The following LAMA2 variants were observed in gnomAD, a reference collection of about 807,000 sequenced individuals.
The protein encoded by LAMA2 is laminin subunit alpha 2.
LAMA2 carries 269 observed loss-of-function variants against 364.8 expected under a neutral mutation model. The observed-to-expected ratio is 0.74, with a 90% CI of 0.67 to 0.82. The LOEUF is 0.82. Among genes scored for constraint, LAMA2 ranks in the 40% least tolerant of loss-of-function variants. The pLI is 0.00. For missense variants in LAMA2, 3,807 were observed against 3,873.2 expected (o/e 0.98, Z 0.45); for synonymous variants, 1,379 against 1,370.6 (o/e 1.01, Z -0.14).
chr6:129,010,111 A>T (rs6938507), intron 1 of LAMA2, among the ~76,000 whole-genome samples: 3,714 of 152,262 alleles, frequency 0.024, 137 homozygotes, highest in African/African-American at 0.086. Flanking sequence ...TCAGATTTAG[A>T]CTGGCTACTG....
chr6:128,977,602 T>TA (rs1400139793), intron 1 of LAMA2, among the ~76,000 whole-genome samples: 1 of 152,146 alleles, frequency 6.6e-6, no homozygotes, highest in Non-Finnish European at 1.5e-5. Flanking sequence ...AGATTGTACT[T>TA]ACGATAAATG....
At chr6:129,057,396 G>A (rs956027984) in intron 2 of LAMA2, among the ~76,000 whole-genome samples, 3 of 152,032 alleles carry the variant, frequency 2.0e-5, no homozygotes, top group African/African-American at 7.2e-5. Context: ...CCTCCATTTT[G>A]ATATTATGGG....
chr6:129,073,450 T>C (rs1773442681), intron 3 of LAMA2, among the ~76,000 whole-genome samples: 1 of 152,196 alleles, frequency 6.6e-6, no homozygotes, highest in Admixed American at 6.5e-5. Context: ...CGATATTTTC[T>C]CGAATGTTGT....
rs144081749 is a variant in LAMA2 at position 128,977,999 on chromosome 6, T to G, written c.113-71919T>G. On this transcript the variant is annotated intron_variant, in intron 1 of 64. Coordinates refer to ENST00000421865, the MANE Select transcript of LAMA2 (RefSeq NM_000426.4). ...GTTGTCCTTCTTTTAAAGAGAAATT[T>G]TTTTAAAATGATATCATTAAAAACA... Among the ~76,000 whole-genome samples the G allele has an allele frequency of 7.1e-3, 1,079 of 152,338 alleles. 13 individuals are homozygous for G. Among genetic ancestry groups the G allele is most frequent in the African/African-American group, 0.024 (1,016 of 41,568 alleles).
chr6:129,158,396 T>C (rs1443873051), intron 8 of LAMA2: 1 of 1,613,870 alleles, frequency 6.2e-7, no homozygotes, highest in African/African-American at 1.3e-5. Flanking sequence ...CATATCGGCC[T>C]TTACCAACTT....
chr6:129,090,346 A>T (rs550913952), intron 3 of LAMA2, among the ~76,000 whole-genome samples: 1 of 152,290 alleles, frequency 6.6e-6, no homozygotes, highest in East Asian at 1.9e-4. Flanking sequence ...GTATCTCTGA[A>T]GGATAAGACT....
intron 32 of LAMA2, among the ~76,000 whole-genome samples, chr6:129,357,378 A>C (rs9483012): frequency 0.12 from 18,963 of 152,028 alleles, 1,640 homozygotes; most frequent in East Asian, 0.44. Context: ...ATATTACTTC[A>C]TAAAAATTGC....
chr6:129,340,285 A>C (rs1055082728), intron 29 of LAMA2, among the ~76,000 whole-genome samples: 3 of 152,170 alleles, frequency 2.0e-5, no homozygotes, highest in Non-Finnish European at 2.9e-5. Flanking sequence ...AAGCAATTTG[A>C]GACCTCACAG....
intron 4 of LAMA2, among the ~76,000 whole-genome samples, chr6:129,130,099 A>C (rs947248964): frequency 2.0e-5 from 3 of 152,176 alleles, no homozygotes; most frequent in African/African-American, 7.2e-5. Flanking sequence ...ATAGAGCAGA[A>C]AGGATTAGAA....
chr6:129,255,203 C>T (rs754417836), intron 14 of LAMA2, among the ~76,000 whole-genome samples: 4 of 151,570 alleles, frequency 2.6e-5, no homozygotes, highest in East Asian at 1.9e-4. Context: ...GTCAGTTGTT[C>T]GAGACCAGCC....
chr6:129,481,549 T>C, intron 55 of LAMA2, 110 bp downstream of exon 55: 1 of 915,032 alleles, frequency 1.1e-6, no homozygotes, highest in Non-Finnish European at 1.8e-6. Context: ...TCATCTTGGC[T>C]AGCAAGGACT....
intron 41 of LAMA2, among the ~76,000 whole-genome samples, chr6:129,432,229 T>A (rs1483767247): frequency 6.6e-6 from 1 of 152,096 alleles, no homozygotes; most frequent in Non-Finnish European, 1.5e-5. Flanking sequence ...TCATACAAAG[T>A]TTTGATTCCT....
chr6:129,328,186 G>T (rs1238815982), intron 28 of LAMA2, 92 bp from the exon 29 acceptor site: 1 of 1,115,806 alleles, frequency 9.0e-7, no homozygotes, highest in East Asian at 2.4e-5. Flanking sequence ...GTGGGGGAAG[G>T]CCAGTCTGTC....
intron 4 of LAMA2, among the ~76,000 whole-genome samples, chr6:129,136,799 A>G (rs1000177692): frequency 1.9e-4 from 29 of 152,198 alleles, no homozygotes; most frequent in Non-Finnish European, 2.9e-5. Flanking sequence ...TAAAGAAAAG[A>G]AGAATGGCAA....
intron 12 of LAMA2, among the ~76,000 whole-genome samples, chr6:129,244,733 A>G (rs1043463540): frequency 4.6e-5 from 7 of 152,062 alleles, no homozygotes; most frequent in Non-Finnish European, 8.8e-5. Flanking sequence ...GAGGGAAAAA[A>G]AAAGAGGCCA....
chr6:129,382,234 C>G (rs1778732025), intron 34 of LAMA2, among the ~76,000 whole-genome samples: 1 of 152,054 alleles, frequency 6.6e-6, no homozygotes, highest in Non-Finnish European at 1.5e-5. Flanking sequence ...GAGAAGAAGG[C>G]TTATATATTA....
chr6:129,014,042 T>C (rs1197105507), intron 1 of LAMA2, among the ~76,000 whole-genome samples: 4 of 152,068 alleles, frequency 2.6e-5, no homozygotes, highest in African/African-American at 9.7e-5. Context: ...AAATCAAGGA[T>C]AGATTCTAGA....
chr6:129,514,597 T>C lies in LAMA2; in HGVS notation c.9211+2T>C. ...CTGTGTTTGTTGGAGGCTTCCCAGG[T>C]GAGTGTTGGCTACCCCAGCAACAAT... is the stretch of plus-strand genomic sequence containing the variant. On this transcript the variant is annotated splice_donor_variant, in intron 64 of 64. Coordinates refer to ENST00000421865, the MANE Select transcript of LAMA2 (RefSeq NM_000426.4). LOFTEE classifies it high-confidence loss of function. The C allele has an allele frequency of 5.0e-6, 8 of 1,611,562 alleles. No individual in the cohort carries two copies. The highest frequency in any genetic ancestry group is 6.8e-6 in the Non-Finnish European group (8 of 1,177,974).
At chr6:128,918,918 G>A (rs899903190) in intron 1 of LAMA2, among the ~76,000 whole-genome samples, 2 of 152,168 alleles carry the variant, frequency 1.3e-5, no homozygotes, top group African/African-American at 2.4e-5. Context: ...ATTGGGAGGT[G>A]TGCATTTTGG....
Sources: gnomAD v4.1 joint callset for allele counts (sites outside exome capture counted in the v4.1 genomes callset) on GRCh38, gnomAD v4.1.1 for gene constraint, MANE v1.5 for transcripts, NCBI Gene and HGNC (gene_info 2026-07-23, HGNC 2026-07-21) for gene names.